RBFOX1: variants seen among roughly 807,000 people sequenced by gnomAD.
RBFOX1 encodes the protein RNA binding fox-1 homolog 1, also known as RNA binding protein fox-1 homolog 1.
RBFOX1 carries 8 observed loss-of-function variants against 57.7 expected under a neutral mutation model. The ratio of observed to expected loss-of-function variants is 0.14; its 90% CI spans 0.08 to 0.25. RBFOX1 has a LOEUF of 0.25. Among genes scored for constraint, RBFOX1 ranks in the 10% least tolerant of loss-of-function variants. RBFOX1 has a pLI of 1.00. For synonymous variants in RBFOX1, 326 were observed against 222.4 expected, an observed-to-expected ratio of 1.47 and a Z score of -4.15; for missense variants, 611 against 548.5, an observed-to-expected ratio of 1.11 and a Z score of -1.14.
intron 11 of RBFOX1, among the ~76,000 whole-genome samples, chr16:7,649,175 G>C (rs2064399119): frequency 6.6e-6 from 1 of 152,044 alleles, no homozygotes; most frequent in African/African-American, 2.4e-5. Flanking sequence ...GTAAGAGGAG[G>C]AGCATGTCCA....
In RBFOX1 at chr16:6,805,833, A is replaced by G. The variant is rs561261078; in HGVS notation, c.-16+151183A>G. On this transcript the variant is annotated intron_variant, in intron 3 of 15. Transcript: ENST00000550418. ...CGCTGCCCTGTTGTCCTCAGCATCT[A>G]TCTCCGCCTTTCTCCTTACAGTCAC... 1.1e-4 allele frequency among the ~76,000 whole-genome samples: 17 copies of G among 152,212 alleles called. No individual in the cohort carries two copies. The East Asian group carries it at 1.9e-3, about 17-fold the overall frequency.
intron 2 of RBFOX1, among the ~76,000 whole-genome samples, chr16:5,553,881 G>C (rs2045569120): frequency 6.6e-6 from 1 of 151,722 alleles, no homozygotes; most frequent in Non-Finnish European, 1.5e-5. Flanking sequence ...ATATGTCTGG[G>C]TACCCTGTGG....
chr16:5,546,667 A>G (rs2045219538), intron 2 of RBFOX1, among the ~76,000 whole-genome samples: 1 of 152,206 alleles, frequency 6.6e-6, no homozygotes, highest in African/African-American at 2.4e-5. Context: ...TAAAGATACC[A>G]TAGGAAAATC....
chr16:7,016,130 A>G (rs1435636449), intron 3 of RBFOX1, among the ~76,000 whole-genome samples: 1 of 152,170 alleles, frequency 6.6e-6, no homozygotes, highest in African/African-American at 2.4e-5. Flanking sequence ...GGGACAAAGC[A>G]TGGAAGAGTG....
At chr16:5,618,556 C>G (rs886357315) in intron 3 of RBFOX1, among the ~76,000 whole-genome samples, 3 of 152,192 alleles carry the variant, frequency 2.0e-5, no homozygotes, top group Non-Finnish European at 4.4e-5. Flanking sequence ...CCAGGATGTT[C>G]TCGATCTCCT....
At chr16:7,032,012 C>T (rs2042923756) in intron 3 of RBFOX1, among the ~76,000 whole-genome samples, 1 of 152,168 alleles carries the variant, frequency 6.6e-6, no homozygotes. Flanking sequence ...TGGCTTTGCT[C>T]ACATCTGGGA....
chr16:6,633,685 G>C (rs1185480468), intron 2 of RBFOX1, among the ~76,000 whole-genome samples: 1 of 152,058 alleles, frequency 6.6e-6, no homozygotes, highest in Non-Finnish European at 1.5e-5. Flanking sequence ...ACTGATGGCT[G>C]TAATTAGCCA....
At chr16:7,620,086 T>C (rs1405641882) in intron 10 of RBFOX1, among the ~76,000 whole-genome samples, 1 of 152,234 alleles carries the variant, frequency 6.6e-6, no homozygotes, top group Non-Finnish European at 1.5e-5. Flanking sequence ...CCAAACACAA[T>C]AGTTCAATAG....
intron 4 of RBFOX1, among the ~76,000 whole-genome samples, chr16:7,177,130 A>G (rs900881243): frequency 6.6e-6 from 1 of 152,218 alleles, no homozygotes; most frequent in Admixed American, 6.5e-5. Context: ...CTGTGCAAAG[A>G]ACACGACACT....
At chr16:6,382,201 A>G (rs77129274) in intron 2 of RBFOX1, among the ~76,000 whole-genome samples, 4,971 of 152,306 alleles carry the variant, frequency 0.033, 272 homozygotes, top group African/African-American at 0.11. Context: ...ACCATTTAAA[A>G]TTGCAAGAGC....
At chr16:7,375,528 A>G (rs1015579796) in intron 4 of RBFOX1, among the ~76,000 whole-genome samples, 3 of 149,518 alleles carry the variant, frequency 2.0e-5, no homozygotes, top group African/African-American at 4.9e-5. Flanking sequence ...TTTAATCATC[A>G]GATGTTTTGG....
intron 3 of RBFOX1, among the ~76,000 whole-genome samples, chr16:6,693,589 C>T (rs976321663): frequency 1.3e-5 from 2 of 151,196 alleles, no homozygotes; most frequent in Non-Finnish European, 2.9e-5. Context: ...CGTCATCATC[C>T]TCCACTACCA....
At chr16:7,245,960 C>G (rs2094280774) in intron 4 of RBFOX1, among the ~76,000 whole-genome samples, 1 of 152,046 alleles carries the variant, frequency 6.6e-6, no homozygotes, top group Non-Finnish European at 1.5e-5. Context: ...TAGCCCATCC[C>G]TGAAAAAAAG....
At chr16:5,507,719 T>C (rs12924481) in intron 2 of RBFOX1, among the ~76,000 whole-genome samples, 2 of 152,070 alleles carry the variant, frequency 1.3e-5, no homozygotes, top group Non-Finnish European at 2.9e-5. Flanking sequence ...AGATGAACTT[T>C]GGAAACAGAC....
intron 2 of RBFOX1, among the ~76,000 whole-genome samples, chr16:6,500,269 G>A (rs182704737): frequency 6.6e-6 from 1 of 152,128 alleles, no homozygotes; most frequent in Non-Finnish European, 1.5e-5. Context: ...CCTTTAGCAA[G>A]AAGACCATCA....
chr16:7,328,946 A>T (rs761101296), intron 4 of RBFOX1, among the ~76,000 whole-genome samples: 1 of 152,188 alleles, frequency 6.6e-6, no homozygotes, highest in Admixed American at 6.5e-5. Context: ...TGGTGTTTGC[A>T]TTTATAACTG....
At chr16:5,642,971 C>T (rs1169551552) in intron 3 of RBFOX1, among the ~76,000 whole-genome samples, 2 of 152,182 alleles carry the variant, frequency 1.3e-5, no homozygotes, top group East Asian at 3.9e-4. Context: ...CAGGGCTGGC[C>T]TAATCCACCG....
At chr16:6,200,942 G>C (rs2097210829) in intron 1 of RBFOX1, among the ~76,000 whole-genome samples, 1 of 30,720 alleles carries the variant, frequency 3.3e-5, no homozygotes, top group Non-Finnish European at 7.9e-5. Flanking sequence ...TTAACTTAGT[G>C]AGGTTTTTTT....
chr16:6,584,503 G>T (rs1169312880), intron 2 of RBFOX1, among the ~76,000 whole-genome samples: 2 of 151,760 alleles, frequency 1.3e-5, no homozygotes, highest in African/African-American at 2.4e-5. Flanking sequence ...AAGTTGCTGG[G>T]ATTACTGCCC....
Sources: gnomAD v4.1 joint callset for allele counts (sites outside exome capture counted in the v4.1 genomes callset) on GRCh38, gnomAD v4.1.1 for gene constraint, MANE v1.5 for transcripts, NCBI Gene and HGNC (gene_info 2026-07-23, HGNC 2026-07-21) for gene names.